Variants in DYNC1I1 observed in about 807,000 individuals in gnomAD.
DYNC1I1 encodes cytoplasmic dynein 1 intermediate chain 1.
A neutral mutation model predicts 86.6 loss-of-function variants in DYNC1I1; 43 were observed. That is an observed-to-expected ratio of 0.50 (90% CI 0.39 to 0.64). The LOEUF is 0.64. DYNC1I1 is among the 30% of genes least tolerant of loss of function. The probability of loss-of-function intolerance (pLI) is 0.00; values close to 1 mark genes in which losing one functional copy is unlikely to be tolerated. For synonymous variants in DYNC1I1, 262 were observed against 283.7 expected (o/e 0.92, Z 0.77); for missense variants, 604 against 788.8 (o/e 0.77, Z 2.81).
At chr7:95,780,889 A>G (rs1793974444) in intron 1 of DYNC1I1, among the ~76,000 whole-genome samples, 1 of 151,768 alleles carries the variant, frequency 6.6e-6, no homozygotes, top group Non-Finnish European at 1.5e-5. Flanking sequence ...TTTTGACACA[A>G]TGTTCCCTTT....
chr7:95,792,359 T>A (rs917457398), intron 1 of DYNC1I1, among the ~76,000 whole-genome samples: 1 of 152,186 alleles, frequency 6.6e-6, no homozygotes, highest in Non-Finnish European at 1.5e-5. Context: ...AAATGGCATG[T>A]GCAGGAAGGT....
chr7:95,980,558 TTTTTG>T (rs1793433173), intron 7 of DYNC1I1, among the ~76,000 whole-genome samples: 1 of 149,058 alleles, frequency 6.7e-6, no homozygotes, highest in African/African-American at 2.5e-5. Flanking sequence ...TTTTTTTTTT[TTTTTG>T]GAGTGAAAAG....
intron 5 of DYNC1I1, among the ~76,000 whole-genome samples, chr7:95,829,305 A>T (rs1483316069): frequency 6.6e-6 from 1 of 152,150 alleles, no homozygotes; most frequent in African/African-American, 2.4e-5. Flanking sequence ...CTGATTCATG[A>T]CAATACTAAG....
At chr7:96,069,184 CTTCT>C (rs1790089113) in intron 14 of DYNC1I1, among the ~76,000 whole-genome samples, 1 of 152,122 alleles carries the variant, frequency 6.6e-6, no homozygotes, top group Non-Finnish European at 1.5e-5. Flanking sequence ...ATATAGAATG[CTTCT>C]TTGTCTAAAT....
chr7:96,019,985 G>T (rs1337695582), intron 10 of DYNC1I1, among the ~76,000 whole-genome samples: 4 of 149,110 alleles, frequency 2.7e-5, no homozygotes, highest in African/African-American at 9.9e-5. Context: ...AATAGGCAAA[G>T]AAAATGCCTG....
intron 6 of DYNC1I1, among the ~76,000 whole-genome samples, chr7:95,885,190 T>C (rs1790561810): frequency 1.3e-5 from 2 of 152,108 alleles, no homozygotes; most frequent in South Asian, 4.2e-4. Context: ...TTTTTTGAAA[T>C]GGAGTCTCAG....
At chr7:96,040,140 A>C (rs1482105912) in intron 14 of DYNC1I1, among the ~76,000 whole-genome samples, 1 of 152,134 alleles carries the variant, frequency 6.6e-6, no homozygotes, top group East Asian at 1.9e-4. Flanking sequence ...AGGCTGAGGC[A>C]GGAGAATCAC....
intron 13 of DYNC1I1, among the ~76,000 whole-genome samples, chr7:96,039,055 AT>A (rs1411992405): frequency 6.6e-6 from 1 of 152,244 alleles, no homozygotes; most frequent in Non-Finnish European, 1.5e-5. Context: ...TTTTAAAAAG[AT>A]TTCATTGCCC....
intron 10 of DYNC1I1, among the ~76,000 whole-genome samples, chr7:96,026,751 A>G (rs1478894479): frequency 6.6e-6 from 1 of 152,062 alleles, no homozygotes. Flanking sequence ...TGAATGTTCC[A>G]TATATACTTC....
intron 6 of DYNC1I1, among the ~76,000 whole-genome samples, chr7:95,958,474 T>G (rs1015761609): frequency 4.6e-5 from 7 of 151,966 alleles, no homozygotes; most frequent in Admixed American, 3.3e-4. Flanking sequence ...AGAAGAAGGA[T>G]GGCTTGAGCC....
chr7:96,102,482 A>T (rs1791150257), downstream of DYNC1I1, among the ~76,000 whole-genome samples: 1 of 152,212 alleles, frequency 6.6e-6, no homozygotes, highest in East Asian at 1.9e-4. Context: ...GGGCTCTTAA[A>T]TACAAGCTGC....
chr7:95,860,294 T>G (rs1220317465), intron 5 of DYNC1I1, among the ~76,000 whole-genome samples: 1 of 152,180 alleles, frequency 6.6e-6, no homozygotes, highest in Non-Finnish European at 1.5e-5. Context: ...AGTAGTTCCT[T>G]TGCCATTCAT....
At position 95,810,580 on chromosome 7, in the gene DYNC1I1, A is replaced by AT; in HGVS notation, c.223+76dup. ...GGATATACCATGTCCAGTGTTTACT[A>AT]TTCTTTTAAGTCTTTAGTTTTTTTT... is the stretch of plus-strand genomic sequence containing the variant. On this transcript the variant is annotated intron_variant, in intron 3 of 16. Transcript: ENST00000447467. The AT allele has an allele frequency of 5.8e-6, 7 of 1,217,226 alleles. No homozygotes were observed. The South Asian group carries it at 1.2e-4, about 21-fold the overall frequency. The allele number at this position is 1,217,226 out of a possible 1,614,324, so 75.4% of individuals were successfully genotyped here. A position where few individuals can be genotyped will look rare whatever the true frequency, so the allele number is the denominator to read the frequency against.
intron 14 of DYNC1I1, among the ~76,000 whole-genome samples, chr7:96,058,405 AC>A (rs1789650436): frequency 6.6e-6 from 1 of 152,150 alleles, no homozygotes; most frequent in East Asian, 1.9e-4. Flanking sequence ...TGTTTTGTCC[AC>A]CTTTAGTATT....
chr7:96,080,290 C>T lies in DYNC1I1; in HGVS notation c.1651-73C>T, dbSNP rs42083. On this transcript the variant is annotated intron_variant, in intron 15 of 16. Transcript: ENST00000447467. Reference sequence around the variant, plus strand: ...GCAGTTGGTGACTCATCCAGTTAAACGTATTATTGTAAATTTGTATATTTA... The same window carrying T: ...GCAGTTGGTGACTCATCCAGTTAAATGTATTATTGTAAATTTGTATATTTA... The T allele has an allele frequency of 0.5, 752,415 of 1,498,382 alleles. 191,405 individuals are homozygous for T. The highest frequency in any genetic ancestry group is 0.54 in the Middle Eastern group (2,386 of 4,402). 92.8% of individuals were successfully genotyped at this position (1,498,382 alleles called of 1,614,324 possible).
chr7:95,936,956 T>TCTCACACACACACA (rs750834189), intron 6 of DYNC1I1, among the ~76,000 whole-genome samples: 6,492 of 134,118 alleles, frequency 0.048, 270 homozygotes, highest in African/African-American at 0.11. Context: ...AGAATATGTC[T>TCTCACACACACACA]CACACACACA....
intron 5 of DYNC1I1, among the ~76,000 whole-genome samples, chr7:95,867,842 A>G (rs1340857757): frequency 6.6e-6 from 1 of 152,202 alleles, no homozygotes; most frequent in Non-Finnish European, 1.5e-5. Context: ...CTGGGCTACT[A>G]AGCAGCGGAG....
At chr7:96,007,538 A>G (rs1039861927) in intron 10 of DYNC1I1, among the ~76,000 whole-genome samples, 2 of 152,212 alleles carry the variant, frequency 1.3e-5, no homozygotes, top group African/African-American at 2.4e-5. Context: ...GTTCATATCA[A>G]TGATGTTTGG....
downstream of DYNC1I1, among the ~76,000 whole-genome samples, chr7:96,102,304 C>G (rs1017861937): frequency 1.3e-5 from 2 of 152,166 alleles, no homozygotes; most frequent in African/African-American, 4.8e-5. Flanking sequence ...TCCATTACAT[C>G]AATGGTATCA....
Sources: allele counts gnomAD v4.1 joint callset (sites outside exome capture counted in the v4.1 genomes callset), GRCh38; gene constraint gnomAD v4.1.1; transcripts MANE v1.5; gene names NCBI Gene and HGNC (gene_info 2026-07-23, HGNC 2026-07-21).